OPA3: variants seen among roughly 807,000 people sequenced by gnomAD.
OPA3 encodes the protein optic atrophy 3 protein.
OPA3 carries 6 observed loss-of-function variants against 4.0 expected under a neutral mutation model. The observed-to-expected ratio is 1.51, with a 90% CI of 0.83 to 2.99. The LOEUF (loss-of-function observed/expected upper bound fraction) is 2.99, where lower values mean the gene tolerates loss of function less well. Ranked by LOEUF, OPA3 falls within the 30% of genes most tolerant of loss-of-function variation. The probability of loss-of-function intolerance (pLI) is 0.00; values close to 1 mark genes in which losing one functional copy is unlikely to be tolerated. For synonymous variants in OPA3, 105 were observed against 117.1 expected (o/e 0.90, Z 0.67); for missense variants, 235 against 256.2 (o/e 0.92, Z 0.56).
At position 45,553,379 on chromosome 19, in the gene OPA3, A is replaced by G. The variant is rs1361422340; in HGVS notation, c.*135T>C. 1.9e-6 allele frequency: 3 copies of G among 1,574,886 alleles called. No individual in the cohort carries two copies. In the African/African-American group the frequency reaches 4.0e-5, roughly 21 times the overall value. ...GCAGGTAACGGCTGCTCTTATCAGC[A>G]GGGGTAACCAAATGCCAAGTTGCAT... is the stretch of plus-strand genomic sequence containing the variant. On this transcript the variant is annotated 3_prime_UTR_variant, in exon 2 of 2. Coordinates refer to ENST00000263275, the MANE Select transcript of OPA3 (RefSeq NM_025136.4).
rs1010295449 is a variant in OPA3, at chr19:45,549,727, A to T, written c.*3787T>A. On this transcript the variant is annotated 3_prime_UTR_variant, in exon 2 of 2. Coordinates refer to ENST00000263275, the MANE Select transcript of OPA3 (RefSeq NM_025136.4). ...TCTCCTAACATCATGTGATCAGTCC[A>T]CCTTGGCCTCTCAAAGTGCTGGGAT... is the stretch of plus-strand genomic sequence containing the variant. 2 of 978,942 alleles carry T rather than the reference A, an allele frequency of 2.0e-6. No homozygotes were observed. The highest frequency in any genetic ancestry group is 2.4e-6 in the Non-Finnish European group (2 of 824,442). 60.6% of individuals were successfully genotyped at this position (978,942 alleles called of 1,614,324 possible). A position where few individuals can be genotyped will look rare whatever the true frequency, so the allele number is the denominator to read the frequency against.
chr19:45,572,112 A>ATC (rs1969674949), intron 1 of OPA3, among the ~76,000 whole-genome samples: 1 of 133,718 alleles, frequency 7.5e-6, no homozygotes, highest in African/African-American at 2.6e-5. Context: ...TATATATATC[A>ATC]ATATATATTG....
intron 1 of OPA3, among the ~76,000 whole-genome samples, chr19:45,572,277 G>GTATATATATCGATATATATCT (rs1969679455): frequency 8.6e-6 from 1 of 116,928 alleles, no homozygotes; most frequent in Non-Finnish European, 1.8e-5. Context: ...AATATATATA[G>GTATATATATCGATATATATCT]TATATATATC....
downstream of OPA3, among the ~76,000 whole-genome samples, chr19:45,542,670 T>G (rs1346813786): frequency 4.2e-4 from 6 of 14,292 alleles, no homozygotes; most frequent in East Asian, 3.5e-3. Context: ...TTTTTGTTTT[T>G]TTTTTTTTTT....
At chr19:45,570,086 C>T (rs1020020868) in intron 1 of OPA3, among the ~76,000 whole-genome samples, 2 of 152,178 alleles carry the variant, frequency 1.3e-5, no homozygotes, top group Non-Finnish European at 2.9e-5. Flanking sequence ...CTGACACGGG[C>T]GCCCTCTCCT....
chr19:45,571,239 G>A (rs1025039421), intron 1 of OPA3, among the ~76,000 whole-genome samples: 1 of 152,070 alleles, frequency 6.6e-6, no homozygotes, highest in Non-Finnish European at 1.5e-5. Context: ...CACCTCCCGG[G>A]TTCAAGCGAT....
intron 1 of OPA3, among the ~76,000 whole-genome samples, chr19:45,566,871 A>T (rs1969591345): frequency 6.6e-6 from 1 of 152,176 alleles, no homozygotes; most frequent in Admixed American, 6.6e-5. Context: ...TACCAAGAGA[A>T]ATGAAAACAT....
Position 45,582,170 on chromosome 19 carries a change from T to TA in OPA3, c.142+2452_142+2453insT, listed in dbSNP as rs1465049275. On this transcript the variant is annotated intron_variant, in intron 1 of 1. Coordinates refer to ENST00000263275, the MANE Select transcript of OPA3 (RefSeq NM_025136.4). Reference sequence around the variant, plus strand: ...ATTTTATTTTTATTTTATTTTATTTTTTTTTTTTGAGATGGATTTTCACTC... The same window carrying TA: ...ATTTTATTTTTATTTTATTTTATTTTATTTTTTTTGAGATGGATTTTCACTC... 4.6e-5 allele frequency among the ~76,000 whole-genome samples: 7 copies of TA among 151,696 alleles called. No individual in the cohort carries two copies. In the East Asian group the frequency reaches 1.2e-3, roughly 25 times the overall value.
At chr19:45,583,583 C>T (rs1159813735) in intron 1 of OPA3, among the ~76,000 whole-genome samples, 1 of 152,110 alleles carries the variant, frequency 6.6e-6, no homozygotes, top group African/African-American at 2.4e-5. Context: ...CTCACTGCAG[C>T]CTCCACCTAC....
intron 1 of OPA3, among the ~76,000 whole-genome samples, chr19:45,539,344 T>A (rs1404596822): frequency 4.6e-5 from 7 of 152,130 alleles, no homozygotes; most frequent in Non-Finnish European, 4.4e-5. Flanking sequence ...CACACCTGTA[T>A]TCCCAGCACT....
downstream of OPA3, among the ~76,000 whole-genome samples, chr19:45,543,992 G>A (rs1293422774): frequency 6.6e-6 from 1 of 152,172 alleles, no homozygotes; most frequent in Non-Finnish European, 1.5e-5. Flanking sequence ...TTTTGCAACC[G>A]TTCACTCTGT....
exon 2 of OPA3, chr19:45,528,947 G>T: frequency 4.5e-6 from 6 of 1,329,928 alleles, no homozygotes; most frequent in African/African-American, 1.5e-5. Flanking sequence ...GAAGGACTGG[G>T]TGGTGTCAGC....
chr19:45,529,812 C>T (rs1969039294), intron 1 of OPA3, among the ~76,000 whole-genome samples: 1 of 152,158 alleles, frequency 6.6e-6, no homozygotes, highest in Admixed American at 6.5e-5. Context: ...CTTACTGCAG[C>T]CTCGAACTCC....
chr19:45,576,125 A>G (rs527666630), intron 1 of OPA3, among the ~76,000 whole-genome samples: 1 of 152,306 alleles, frequency 6.6e-6, no homozygotes, highest in East Asian at 1.9e-4. Context: ...CAGGAGGCCA[A>G]GGCAGGAGAA....
At chr19:45,572,545 T>C in intron 1 of OPA3, among the ~76,000 whole-genome samples, 1 of 114,712 alleles carries the variant, frequency 8.7e-6, no homozygotes, top group Non-Finnish European at 1.9e-5. Flanking sequence ...TCATATGATA[T>C]ATATATCATA....
chr19:45,545,715 T>C (rs988364962), downstream of OPA3, among the ~76,000 whole-genome samples: 296 of 146,296 alleles, frequency 2.0e-3, no homozygotes, highest in East Asian at 5.3e-3. Context: ...CTTTTCTTTT[T>C]TTTTTTTTTT....
At chr19:45,531,775 C>A (rs1326904549) in intron 1 of OPA3, among the ~76,000 whole-genome samples, 4 of 152,162 alleles carry the variant, frequency 2.6e-5, no homozygotes, top group African/African-American at 9.7e-5. Flanking sequence ...GGCAGAGGGG[C>A]TTGTTGTCAT....
At chr19:45,584,299 C>G in intron 1 of OPA3, 3 of 979,650 alleles carry the variant, frequency 3.1e-6, no homozygotes, top group Non-Finnish European at 3.6e-6. Flanking sequence ...CCCCTAGCTC[C>G]TCTATCCTGG....
chr19:45,567,542 T>G (rs1407362907), intron 1 of OPA3, among the ~76,000 whole-genome samples: 3 of 151,990 alleles, frequency 2.0e-5, no homozygotes, highest in African/African-American at 7.3e-5. Flanking sequence ...GAGGGACCTT[T>G]CTAGAGTAAT....
Sources: gnomAD v4.1 joint callset for allele counts (sites outside exome capture counted in the v4.1 genomes callset) on GRCh38, gnomAD v4.1.1 for gene constraint, MANE v1.5 for transcripts, NCBI Gene and HGNC (gene_info 2026-07-23, HGNC 2026-07-21) for gene names.